SCAPER: variants seen among roughly 807,000 people sequenced by gnomAD.
The protein encoded by SCAPER is S phase cyclin A-associated protein in the endoplasmic reticulum.
A neutral mutation model predicts 182.2 loss-of-function variants in SCAPER; 98 were observed. The observed-to-expected ratio is 0.54, with a 90% CI of 0.46 to 0.64. SCAPER has a LOEUF of 0.64. Ranked by LOEUF, SCAPER falls within the 30% of genes least tolerant of loss-of-function variation. The pLI is 0.00. For synonymous variants in SCAPER, 605 were observed against 564.6 expected, an observed-to-expected ratio of 1.07 and a Z score of -1.01; for missense variants, 1,432 against 1,690.0, an observed-to-expected ratio of 0.85 and a Z score of 2.68.
chr15:76,565,631 C>T (rs879634372), intron 23 of SCAPER, among the ~76,000 whole-genome samples: 5 of 152,102 alleles, frequency 3.3e-5, no homozygotes, highest in Non-Finnish European at 7.4e-5. Context: ...AAACAAAATA[C>T]ACAACACTTT....
At chr15:76,383,269 A>G (rs1198426806) in intron 27 of SCAPER, among the ~76,000 whole-genome samples, 2 of 152,188 alleles carry the variant, frequency 1.3e-5, no homozygotes, top group African/African-American at 4.8e-5. Context: ...GTCACTAATT[A>G]AACAAGAATT....
intron 23 of SCAPER, among the ~76,000 whole-genome samples, chr15:76,546,278 T>C (rs1346728980): frequency 6.6e-6 from 1 of 152,140 alleles, no homozygotes; most frequent in South Asian, 2.1e-4. Context: ...AAATTAAAAA[T>C]ATTAATTATG....
chr15:76,779,421 T>C (rs1299184729), intron 8 of SCAPER, among the ~76,000 whole-genome samples: 1 of 152,120 alleles, frequency 6.6e-6, no homozygotes, highest in African/African-American at 2.4e-5. Context: ...ACAAACAACT[T>C]TATGCCAATA....
At chr15:76,456,483 A>G (rs2048745352) in intron 25 of SCAPER, among the ~76,000 whole-genome samples, 1 of 152,192 alleles carries the variant, frequency 6.6e-6, no homozygotes, top group Non-Finnish European at 1.5e-5. Context: ...AGCTCTTTAA[A>G]TGTATTAAAA....
intron 20 of SCAPER, among the ~76,000 whole-genome samples, chr15:76,666,848 G>A (rs1368079379): frequency 2.0e-5 from 3 of 152,004 alleles, no homozygotes; most frequent in South Asian, 2.1e-4. Flanking sequence ...ATATGTGCCC[G>A]TACACTCTCT....
chr15:76,597,723 G>A (rs1212123444), intron 22 of SCAPER, among the ~76,000 whole-genome samples: 1 of 120,336 alleles, frequency 8.3e-6, no homozygotes, highest in African/African-American at 2.5e-5. Flanking sequence ...TTTAATTAAT[G>A]GTGTTGAGAA....
At chr15:76,825,991 C>G (rs1223919163) in intron 5 of SCAPER, among the ~76,000 whole-genome samples, 1 of 152,156 alleles carries the variant, frequency 6.6e-6, no homozygotes. Context: ...GTGATCCACC[C>G]ACATCGGCCT....
chr15:76,504,992 C>G lies in SCAPER; in HGVS notation c.2839-18G>C, dbSNP rs755588619. 6.3e-7 allele frequency: 1 copy of G among 1,592,166 alleles called. No homozygotes were observed. The highest frequency in any genetic ancestry group is 8.6e-7 in the Non-Finnish European group (1 of 1,165,302). ...GCCACATTCTAGACAGAAATACAAACAGAAGTTAGCCCAATTTCCCAGGCA... is the reference window on the plus strand; with the variant it reads ...GCCACATTCTAGACAGAAATACAAAGAGAAGTTAGCCCAATTTCCCAGGCA... On this transcript the variant is annotated intron_variant, in intron 23 of 31. Transcript: ENST00000563290.
intron 22 of SCAPER, among the ~76,000 whole-genome samples, chr15:76,615,843 A>G (rs534282369): frequency 0.013 from 1,903 of 151,760 alleles, 27 homozygotes; most frequent in South Asian, 0.024. Flanking sequence ...AAAAGAATAT[A>G]CAAATGTCCA....
At chr15:76,528,478 A>C (rs1028640810) in intron 23 of SCAPER, among the ~76,000 whole-genome samples, 3 of 152,198 alleles carry the variant, frequency 2.0e-5, no homozygotes, top group Non-Finnish European at 4.4e-5. Context: ...TCTTATAAGA[A>C]ATTAAACCTG....
At chr15:76,698,318 CATTTATA>C (rs367545610) in intron 20 of SCAPER, among the ~76,000 whole-genome samples, 8 of 152,256 alleles carry the variant, frequency 5.3e-5, no homozygotes, top group African/African-American at 9.6e-5. Context: ...ACTCAATGGA[CATTTATA>C]AATAACCTTA....
At chr15:76,436,076 G>GT (rs1252164429) in intron 25 of SCAPER, among the ~76,000 whole-genome samples, 16 of 151,506 alleles carry the variant, frequency 1.1e-4, no homozygotes, top group Non-Finnish European at 1.2e-4. Flanking sequence ...GTTTTGTTTT[G>GT]TTTTTTTTGG....
intron 20 of SCAPER, among the ~76,000 whole-genome samples, chr15:76,667,244 T>C (rs770521011): frequency 5.9e-5 from 9 of 152,176 alleles, no homozygotes; most frequent in Non-Finnish European, 1.2e-4. Flanking sequence ...GTCCTACAGA[T>C]AATTTCCTCC....
At chr15:76,853,532 C>G (rs902303442) in intron 4 of SCAPER, among the ~76,000 whole-genome samples, 2 of 150,560 alleles carry the variant, frequency 1.3e-5, no homozygotes, top group African/African-American at 2.4e-5. Context: ...AAATGTGATT[C>G]AACACCTAAA....
intron 20 of SCAPER, among the ~76,000 whole-genome samples, chr15:76,684,033 C>T (rs991425972): frequency 1.3e-5 from 2 of 151,992 alleles, no homozygotes; most frequent in African/African-American, 4.8e-5. Context: ...GAATTCATTA[C>T]CACAGACCTG....
chr15:76,619,159 A>G (rs1416523743), intron 22 of SCAPER, among the ~76,000 whole-genome samples: 1 of 152,160 alleles, frequency 6.6e-6, no homozygotes, highest in Non-Finnish European at 1.5e-5. Context: ...TTCTATTACT[A>G]TAAACTAGTT....
rs193182020 is a variant in SCAPER at position 76,793,916 on chromosome 15, C to T, written c.772+1364G>A. ...GACACTATCTACAGCTCCACAGCGT[C>T]AGAATTAAATTGAATTCGAGGACAA... On this transcript the variant is annotated intron_variant, in intron 8 of 31. Coordinates refer to ENST00000563290, the MANE Select transcript of SCAPER (RefSeq NM_020843.4). Among the ~76,000 whole-genome samples, 218 of 152,310 alleles carry T rather than the reference C, an allele frequency of 1.4e-3. 1 individual carries two copies. The highest frequency in any genetic ancestry group is 4.7e-3 in the African/African-American group (195 of 41,578).
chr15:76,588,166 C>G (rs1221153700), intron 22 of SCAPER, among the ~76,000 whole-genome samples: 1 of 152,182 alleles, frequency 6.6e-6, no homozygotes, highest in East Asian at 1.9e-4. Flanking sequence ...TCGTGATCTG[C>G]CTGCCTCAGC....
intron 5 of SCAPER, among the ~76,000 whole-genome samples, chr15:76,820,910 T>TC (rs1598919161): frequency 6.6e-6 from 1 of 152,144 alleles, no homozygotes; most frequent in East Asian, 1.9e-4. Flanking sequence ...AAATGCAGAT[T>TC]AAAGTAACAA....
Sources: gnomAD v4.1 joint callset for allele counts (sites outside exome capture counted in the v4.1 genomes callset) on GRCh38, gnomAD v4.1.1 for gene constraint, MANE v1.5 for transcripts, NCBI Gene and HGNC (gene_info 2026-07-23, HGNC 2026-07-21) for gene names.